ARMC9: variants seen among roughly 807,000 people sequenced by gnomAD.
ARMC9 encodes lisH domain-containing protein ARMC9.
Under a neutral mutation model 107.0 loss-of-function variants are expected in ARMC9, and 94 were observed. That is an observed-to-expected ratio of 0.88 (90% CI 0.74 to 1.04). The LOEUF is 1.04. ARMC9 is among the 50% of genes least tolerant of loss of function. The pLI, the probability that ARMC9 is intolerant of heterozygous loss-of-function variation, is 0.00. For synonymous variants in ARMC9, 380 were observed against 396.9 expected, an observed-to-expected ratio of 0.96 and a Z score of 0.51; for missense variants, 942 against 1,030.1, an observed-to-expected ratio of 0.91 and a Z score of 1.17.
intron 9 of ARMC9, among the ~76,000 whole-genome samples, chr2:231,241,703 A>G (rs1309402452): frequency 6.6e-6 from 1 of 152,188 alleles, no homozygotes; most frequent in Non-Finnish European, 1.5e-5. Context: ...CATAAATATG[A>G]GAAACGAGAA....
intron 19 of ARMC9, among the ~76,000 whole-genome samples, chr2:231,329,605 G>A (rs548813427): frequency 3.9e-5 from 6 of 152,234 alleles, no homozygotes; most frequent in South Asian, 4.1e-4. Flanking sequence ...CACCGCGCCC[G>A]GCAGATTTCT....
chr2:231,287,534 T>G (rs2040683763), intron 17 of ARMC9, among the ~76,000 whole-genome samples: 1 of 150,738 alleles, frequency 6.6e-6, no homozygotes, highest in Non-Finnish European at 1.5e-5. Context: ...GTATGGGCTT[T>G]GCTTTGCTTT....
At chr2:231,346,007 T>C (rs1361833106) in intron 21 of ARMC9, among the ~76,000 whole-genome samples, 6 of 152,192 alleles carry the variant, frequency 3.9e-5, no homozygotes, top group Non-Finnish European at 8.8e-5. Context: ...AGCTCCTTGA[T>C]GAGTTCTGTT....
intron 15 of ARMC9, 134 bp downstream of exon 15, chr2:231,276,909 C>A: frequency 7.9e-7 from 1 of 1,273,188 alleles, no homozygotes; most frequent in Non-Finnish European, 1.1e-6. Flanking sequence ...GAGTAGAAAG[C>A]ATTTCCAACT....
chr2:231,215,426 A>C (rs553115405), intron 4 of ARMC9: 1 of 157,258 alleles, frequency 6.4e-6, no homozygotes, highest in Admixed American at 6.3e-5. Flanking sequence ...GGGCTCAAAC[A>C]GTCGTCTCAC....
At chr2:231,221,951 G>A (rs1021038335) in intron 5 of ARMC9, among the ~76,000 whole-genome samples, 1 of 152,086 alleles carries the variant, frequency 6.6e-6, no homozygotes, top group Non-Finnish European at 1.5e-5. Context: ...TACAGAGCTG[G>A]AGAGGCAGAG....
chr2:231,215,741 C>T (rs550262132), intron 4 of ARMC9, among the ~76,000 whole-genome samples: 1 of 152,288 alleles, frequency 6.6e-6, no homozygotes, highest in East Asian at 1.9e-4. Flanking sequence ...CCAAGGTGAA[C>T]ACATGAGAAT....
chr2:231,322,243 G>T (rs1172655144), intron 19 of ARMC9, among the ~76,000 whole-genome samples: 1 of 152,252 alleles, frequency 6.6e-6, no homozygotes, highest in Non-Finnish European at 1.5e-5. Flanking sequence ...CTGCACACGT[G>T]GCCAGGGCCC....
intron 12 of ARMC9, among the ~76,000 whole-genome samples, chr2:231,264,482 GTTTA>G (rs953405412): frequency 2.7e-5 from 4 of 145,460 alleles, no homozygotes; most frequent in Non-Finnish European, 6.0e-5. Context: ...CCCAGCTGTG[GTTTA>G]TTTATTTATT....
At chr2:231,228,803 T>C (rs538814666) in intron 7 of ARMC9, among the ~76,000 whole-genome samples, 1 of 152,166 alleles carries the variant, frequency 6.6e-6, no homozygotes, top group East Asian at 1.9e-4. Flanking sequence ...GAACTAGCCT[T>C]TGGACCCCCA....
chr2:231,343,020 T>A (rs772674612), intron 20 of ARMC9, among the ~76,000 whole-genome samples: 3 of 152,048 alleles, frequency 2.0e-5, no homozygotes, highest in Non-Finnish European at 4.4e-5. Flanking sequence ...TTCAAGTGAT[T>A]CTCCTGCCTC....
intron 9 of ARMC9, among the ~76,000 whole-genome samples, chr2:231,247,318 A>G (rs961071490): frequency 1.3e-5 from 2 of 152,212 alleles, no homozygotes; most frequent in African/African-American, 4.8e-5. Flanking sequence ...CATTAAATGT[A>G]AAAAGACCCA....
intron 19 of ARMC9, among the ~76,000 whole-genome samples, chr2:231,330,652 C>T (rs896510073): frequency 6.6e-6 from 1 of 152,198 alleles, no homozygotes; most frequent in Admixed American, 6.5e-5. Flanking sequence ...TTGGGGTGTG[C>T]GGCCCAGCCT....
chr2:231,242,452 A>T (rs927677038), intron 9 of ARMC9, among the ~76,000 whole-genome samples: 1 of 152,192 alleles, frequency 6.6e-6, no homozygotes, highest in East Asian at 1.9e-4. Context: ...CATTTTTAAA[A>T]GGTCAGTAAA....
chr2:231,331,944 TG>T (rs775101864), intron 20 of ARMC9, 47 bp downstream of exon 20: 2 of 1,450,168 alleles, frequency 1.4e-6, no homozygotes, highest in Non-Finnish European at 1.9e-6. Context: ...AAAGGCCAGA[TG>T]GACATTGATG....
intron 19 of ARMC9, among the ~76,000 whole-genome samples, chr2:231,328,829 T>TTTTTTTTTTTTTTTTTTTG (rs1458691159): frequency 7.0e-6 from 1 of 143,454 alleles, no homozygotes; most frequent in Admixed American, 7.0e-5. Context: ...CTTTTTTTTT[T>TTTTTTTTTTTTTTTTTTTG]TTTGAGTCGG....
intron 9 of ARMC9, among the ~76,000 whole-genome samples, chr2:231,244,363 TC>T (rs1422678419): frequency 2.7e-5 from 4 of 149,802 alleles, no homozygotes; most frequent in African/African-American, 9.8e-5. Flanking sequence ...AGAATGTGGA[TC>T]TTTTTTTTTT....
chr2:231,298,009 G>C (rs563499174), intron 19 of ARMC9, among the ~76,000 whole-genome samples: 161 of 152,250 alleles, frequency 1.1e-3, no homozygotes, highest in Non-Finnish European at 1.9e-3. Context: ...TCTAGTTAAT[G>C]ATGAGAACTC....
intron 9 of ARMC9, among the ~76,000 whole-genome samples, chr2:231,250,531 G>A (rs2037201709): frequency 6.6e-6 from 1 of 152,222 alleles, no homozygotes; most frequent in Non-Finnish European, 1.5e-5. Flanking sequence ...CGCAGGGGAT[G>A]CTGAGGAAAA....
Sources: gnomAD v4.1 joint callset for allele counts (sites outside exome capture counted in the v4.1 genomes callset) on GRCh38, gnomAD v4.1.1 for gene constraint, MANE v1.5 for transcripts, NCBI Gene and HGNC (gene_info 2026-07-23, HGNC 2026-07-21) for gene names.